Variants in GPM6A observed in about 807,000 individuals in gnomAD.
The protein encoded by GPM6A is glycoprotein M6A, also known as neuronal membrane glycoprotein M6-a.
GPM6A carries 7 observed loss-of-function variants against 32.1 expected under a neutral mutation model. The ratio of observed to expected loss-of-function variants is 0.22; its 90% CI spans 0.12 to 0.41. GPM6A has a LOEUF of 0.41. GPM6A is among the 10% of genes least tolerant of loss of function. The pLI, the probability that GPM6A is intolerant of heterozygous loss-of-function variation, is 1.00. For missense variants in GPM6A, 235 were observed against 347.2 expected, an observed-to-expected ratio of 0.68 and a Z score of 2.57; for synonymous variants, 130 against 123.4, an observed-to-expected ratio of 1.05 and a Z score of -0.35.
chr4:175,750,387 T>A (rs904374702), intron 1 of GPM6A, among the ~76,000 whole-genome samples: 1 of 152,104 alleles, frequency 6.6e-6, no homozygotes, highest in Non-Finnish European at 1.5e-5. Context: ...AACCAAAGCA[T>A]GGACCTTGAG....
At chr4:175,683,980 C>T (rs1743830748) in intron 2 of GPM6A, among the ~76,000 whole-genome samples, 1 of 151,882 alleles carries the variant, frequency 6.6e-6, no homozygotes, top group Non-Finnish European at 1.5e-5. Context: ...TACAGCCGTG[C>T]ACCACCACAC....
intron 1 of GPM6A, among the ~76,000 whole-genome samples, chr4:175,731,907 A>G (rs115712653): frequency 0.012 from 1,779 of 150,052 alleles, 38 homozygotes; most frequent in African/African-American, 0.041. Context: ...TGTTCCTTGT[A>G]CCTGTAATGT....
At chr4:175,665,555 C>T (rs868178145) in intron 3 of GPM6A, among the ~76,000 whole-genome samples, 234 of 151,964 alleles carry the variant, frequency 1.5e-3, no homozygotes, top group African/African-American at 4.4e-3. Context: ...CTGAGGCGGG[C>T]GGATCACCTG....
At chr4:175,823,428 A>G (rs918464879) in intron 1 of GPM6A, among the ~76,000 whole-genome samples, 6 of 152,208 alleles carry the variant, frequency 3.9e-5, no homozygotes, top group Admixed American at 3.9e-4. Flanking sequence ...ATTGCAAATG[A>G]CAGTCTTGCA....
intron 1 of GPM6A, among the ~76,000 whole-genome samples, chr4:175,975,902 T>C (rs1740642317): frequency 6.6e-6 from 1 of 152,168 alleles, no homozygotes; most frequent in Non-Finnish European, 1.5e-5. Context: ...ATGATTTTCA[T>C]CTGCTTATAC....
intron 2 of GPM6A, among the ~76,000 whole-genome samples, chr4:175,697,766 C>T (rs1467881868): frequency 6.6e-6 from 1 of 152,178 alleles, no homozygotes; most frequent in Admixed American, 6.5e-5. Flanking sequence ...GAGGTTGCCA[C>T]ACCTCAAATG....
chr4:175,932,410 G>A (rs953662117), intron 1 of GPM6A, among the ~76,000 whole-genome samples: 1 of 152,182 alleles, frequency 6.6e-6, no homozygotes, highest in Non-Finnish European at 1.5e-5. Flanking sequence ...TGGAAACAAA[G>A]AGCAGCCCTC....
intron 4 of GPM6A, among the ~76,000 whole-genome samples, chr4:175,650,988 A>G (rs1741770788): frequency 6.6e-6 from 1 of 152,180 alleles, no homozygotes; most frequent in African/African-American, 2.4e-5. Context: ...AAATAGGCTG[A>G]GATTATACTC....
chr4:175,718,815 C>T (rs1005074442), intron 1 of GPM6A, among the ~76,000 whole-genome samples: 4 of 152,024 alleles, frequency 2.6e-5, no homozygotes, highest in African/African-American at 9.7e-5. Flanking sequence ...TTGGAGCATA[C>T]TTAAAATACA....
intron 1 of GPM6A, among the ~76,000 whole-genome samples, chr4:175,822,800 G>C (rs147408723): frequency 6.6e-6 from 1 of 152,020 alleles, no homozygotes; most frequent in African/African-American, 2.4e-5. Flanking sequence ...CATGCATTAG[G>C]TATTTGTCCT....
At chr4:175,687,948 A>C (rs1249942292) in intron 2 of GPM6A, among the ~76,000 whole-genome samples, 1 of 152,222 alleles carries the variant, frequency 6.6e-6, no homozygotes, top group Non-Finnish European at 1.5e-5. Context: ...GATTTGGAAC[A>C]TCTTTTCATA....
intron 1 of GPM6A, among the ~76,000 whole-genome samples, chr4:175,810,553 A>C (rs1484529898): frequency 6.6e-6 from 1 of 152,162 alleles, no homozygotes; most frequent in Non-Finnish European, 1.5e-5. Flanking sequence ...ACAACTAATT[A>C]CATCATTTTT....
intron 1 of GPM6A, among the ~76,000 whole-genome samples, chr4:175,818,868 T>G (rs1415438903): frequency 1.3e-5 from 2 of 152,196 alleles, no homozygotes; most frequent in Non-Finnish European, 2.9e-5. Flanking sequence ...TAATTGTGTT[T>G]CATCTTTCCT....
chr4:175,851,518 A>T (rs1386837270), intron 1 of GPM6A, among the ~76,000 whole-genome samples: 3 of 152,010 alleles, frequency 2.0e-5, no homozygotes, highest in South Asian at 4.1e-4. Context: ...TAGTCTCCAA[A>T]TGAGTGTCCA....
intron 1 of GPM6A, among the ~76,000 whole-genome samples, chr4:175,949,293 G>C (rs77676288): frequency 6.6e-6 from 1 of 151,970 alleles, no homozygotes; most frequent in Non-Finnish European, 1.5e-5. Flanking sequence ...TAAAAGTCAA[G>C]TTTGTTTATT....
At chr4:175,795,625 A>G (rs1734189495) in intron 1 of GPM6A, among the ~76,000 whole-genome samples, 1 of 152,008 alleles carries the variant, frequency 6.6e-6, no homozygotes, top group South Asian at 2.1e-4. Context: ...GGTGGGACAC[A>G]CCTGTGGTCC....
chr4:175,655,109 T>C (rs942556252), intron 3 of GPM6A, among the ~76,000 whole-genome samples: 1 of 152,156 alleles, frequency 6.6e-6, no homozygotes, highest in African/African-American at 2.4e-5. Context: ...CTGCCTTACA[T>C]CTTCTTTCTA....
Position 175,975,800 on chromosome 4 carries a change from T to G in GPM6A, c.-23+26509A>C, listed in dbSNP as rs1469105296. On this transcript the variant is annotated intron_variant, in intron 1 of 7. Coordinates refer to the GPM6A transcript ENST00000280187. ...AAATGTAATCATAGAATCTTCAGTG[T>G]GAAAATTAGTTTATTAGTTATCTAT... Among the ~76,000 whole-genome samples, 3 of 152,340 alleles carry G rather than the reference T, an allele frequency of 2.0e-5. No homozygotes were observed. The East Asian group carries it at 5.8e-4, about 29-fold the overall frequency.
At chr4:175,776,667 T>G (rs1425454496) in intron 1 of GPM6A, among the ~76,000 whole-genome samples, 1 of 152,188 alleles carries the variant, frequency 6.6e-6, no homozygotes, top group Admixed American at 6.5e-5. Context: ...GTTTCATACG[T>G]TTTTCCTAGC....
Sources: gnomAD v4.1 joint callset for allele counts (sites outside exome capture counted in the v4.1 genomes callset) on GRCh38, gnomAD v4.1.1 for gene constraint, MANE v1.5 for transcripts, NCBI Gene and HGNC (gene_info 2026-07-23, HGNC 2026-07-21) for gene names.